Variants in PHF21B observed in about 807,000 individuals in gnomAD.
The protein encoded by PHF21B is PHD finger protein 21B.
PHF21B carries 22 observed loss-of-function variants against 62.2 expected under a neutral mutation model. That is an observed-to-expected ratio of 0.35 (90% confidence interval 0.25 to 0.51). The LOEUF is 0.51. Among genes scored for constraint, PHF21B ranks in the 20% least tolerant of loss-of-function variants. PHF21B has a pLI of 0.97. For synonymous variants in PHF21B, 341 were observed against 314.7 expected (o/e 1.08, Z -0.88); for missense variants, 701 against 707.9 (o/e 0.99, Z 0.11).
chr22:44,956,661 C>CA (rs1479431667), intron 2 of PHF21B, among the ~76,000 whole-genome samples: 1 of 152,122 alleles, frequency 6.6e-6, no homozygotes, highest in Non-Finnish European at 1.5e-5. Context: ...CAAGCGACCC[C>CA]AGGAGGTCTG....
At chr22:44,975,464 C>G (rs1477278659) in intron 2 of PHF21B, among the ~76,000 whole-genome samples, 2 of 152,180 alleles carry the variant, frequency 1.3e-5, no homozygotes, top group Non-Finnish European at 2.9e-5. Flanking sequence ...CTGGTGACAT[C>G]GGTACTGCAC....
chr22:45,007,631 C>G (rs575572246), intron 2 of PHF21B, among the ~76,000 whole-genome samples: 2,002 of 146,762 alleles, frequency 0.014, 21 homozygotes, highest in Non-Finnish European at 0.021. Flanking sequence ...CACAGCGGTG[C>G]CCCCAGCACG....
Position 44,966,609 on chromosome 22 carries a change from A to G in PHF21B, c.120+41936T>C, listed in dbSNP as rs2072531524. On this transcript the variant is annotated intron_variant, in intron 2 of 12. Transcript: ENST00000313237. Reference sequence around the variant, plus strand: ...AGGGAGCCAGAAGTCCCCCCTTCAGAGCCTGGGTCCCTCCATCCGTCTGTC... The same window carrying G: ...AGGGAGCCAGAAGTCCCCCCTTCAGGGCCTGGGTCCCTCCATCCGTCTGTC... 2.0e-5 allele frequency among the ~76,000 whole-genome samples: 3 copies of G among 152,038 alleles called. No homozygotes were observed. The South Asian group carries it at 6.2e-4, about 32-fold the overall frequency.
chr22:44,906,817 C>A (rs917034565), intron 5 of PHF21B, among the ~76,000 whole-genome samples: 1 of 152,226 alleles, frequency 6.6e-6, no homozygotes, highest in Non-Finnish European at 1.5e-5. Flanking sequence ...GAAGGGGAAG[C>A]ACAGTCAACC....
intron 2 of PHF21B, among the ~76,000 whole-genome samples, chr22:44,999,387 G>A (rs1450103751): frequency 5.3e-5 from 8 of 152,114 alleles, no homozygotes; most frequent in East Asian, 1.9e-4. Flanking sequence ...CTTTTGTGCT[G>A]CAGACTCCTC....
intron 2 of PHF21B, among the ~76,000 whole-genome samples, chr22:44,982,785 TA>T (rs2072866942): frequency 6.6e-6 from 1 of 152,120 alleles, no homozygotes; most frequent in South Asian, 2.1e-4. Context: ...AGTAGCTCAT[TA>T]GGGGTGAGTG....
At chr22:44,883,337 A>G in intron 12 of PHF21B, 33 bp from the exon 13 acceptor site, 1 of 1,599,514 alleles carries the variant, frequency 6.3e-7, no homozygotes, top group South Asian at 1.1e-5. Flanking sequence ...AAAGGGTCTC[A>G]GTATTCGGCT....
At chr22:44,990,973 C>T (rs368109509) in intron 2 of PHF21B, among the ~76,000 whole-genome samples, 380 of 152,336 alleles carry the variant, frequency 2.5e-3, no homozygotes, top group African/African-American at 5.8e-3. Flanking sequence ...CCACCAACAG[C>T]GGGCCCTGCT....
At chr22:44,900,077 C>G (rs1428626593) in intron 5 of PHF21B, among the ~76,000 whole-genome samples, 3 of 152,310 alleles carry the variant, frequency 2.0e-5, no homozygotes, top group South Asian at 4.1e-4. Flanking sequence ...TCTGAGAACT[C>G]TTTCCACTTC....
intron 5 of PHF21B, among the ~76,000 whole-genome samples, chr22:44,908,930 T>A (rs1319993706): frequency 6.6e-6 from 1 of 152,190 alleles, no homozygotes; most frequent in East Asian, 1.9e-4. Context: ...CCCAAGTAGC[T>A]GGGATTACAG....
chr22:44,992,820 T>C (rs1047985691), intron 2 of PHF21B, among the ~76,000 whole-genome samples: 1 of 152,188 alleles, frequency 6.6e-6, no homozygotes, highest in African/African-American at 2.4e-5. Context: ...CTCGGGACCC[T>C]ACCCAGCCTG....
At position 44,993,176 on chromosome 22, in the gene PHF21B, C is replaced by T. The variant is rs546092552; in HGVS notation, c.120+15369G>A. Among the ~76,000 whole-genome samples, 3 of 152,276 alleles carry T rather than the reference C, an allele frequency of 2.0e-5. No homozygotes were observed. In the East Asian group the frequency reaches 5.8e-4, roughly 29 times the overall value. On this transcript the variant is annotated intron_variant, in intron 2 of 12. Coordinates refer to ENST00000313237, the MANE Select transcript of PHF21B (RefSeq NM_138415.5). ...TCTCACTGGGATTCCTGGCAGGACT[C>T]GCTGGCTGGGCGGTCTGGGCTCCAT...
chr22:44,979,311 T>C (rs953757185), intron 2 of PHF21B, among the ~76,000 whole-genome samples: 9 of 152,214 alleles, frequency 5.9e-5, no homozygotes, highest in African/African-American at 2.2e-4. Context: ...CAAGGCCAAG[T>C]TCACGTGTGA....
At chr22:44,945,372 G>A (rs1456083886) in intron 2 of PHF21B, among the ~76,000 whole-genome samples, 1 of 152,220 alleles carries the variant, frequency 6.6e-6, no homozygotes, top group African/African-American at 2.4e-5. Context: ...AGCATGGGAG[G>A]CACTTGTCTG....
chr22:44,929,521 G>A (rs1288426472), intron 2 of PHF21B, among the ~76,000 whole-genome samples: 5 of 152,176 alleles, frequency 3.3e-5, no homozygotes, highest in Admixed American at 6.5e-5. Flanking sequence ...CACCATGCCC[G>A]GTGCACCTGC....
intron 2 of PHF21B, among the ~76,000 whole-genome samples, chr22:44,976,004 C>A (rs1485830731): frequency 6.6e-6 from 1 of 152,114 alleles, no homozygotes; most frequent in Admixed American, 6.5e-5. Context: ...CTCATCTCTA[C>A]AAAAAAATTC....
At chr22:44,923,554 T>C (rs1452839710) in intron 2 of PHF21B, among the ~76,000 whole-genome samples, 2 of 152,048 alleles carry the variant, frequency 1.3e-5, no homozygotes, top group African/African-American at 4.8e-5. Flanking sequence ...GGAAAGAGAA[T>C]GTTAGGAAAA....
At chr22:44,921,344 G>A (rs1173382943) in intron 2 of PHF21B, among the ~76,000 whole-genome samples, 1 of 150,156 alleles carries the variant, frequency 6.7e-6, no homozygotes, top group Non-Finnish European at 1.5e-5. Flanking sequence ...AGCCCCCGAT[G>A]GAACCGGAAC....
At chr22:44,988,611 C>T (rs985809547) in intron 2 of PHF21B, among the ~76,000 whole-genome samples, 1 of 152,178 alleles carries the variant, frequency 6.6e-6, no homozygotes, top group African/African-American at 2.4e-5. Context: ...TGCTTATTAT[C>T]TCATTTTGTC....
Sources: allele counts gnomAD v4.1 joint callset (sites outside exome capture counted in the v4.1 genomes callset), GRCh38; gene constraint gnomAD v4.1.1; transcripts MANE v1.5; gene names NCBI Gene and HGNC (gene_info 2026-07-23, HGNC 2026-07-21).